Variants in CSMD1 observed in about 807,000 individuals in gnomAD.
CSMD1 encodes CUB and sushi domain-containing protein 1.
A neutral mutation model predicts 417.5 loss-of-function variants in CSMD1; 213 were observed. The ratio of observed to expected loss-of-function variants is 0.51; its 90% confidence interval spans 0.46 to 0.57. The LOEUF (loss-of-function observed/expected upper bound fraction) is 0.57. CSMD1 is among the 20% of genes least tolerant of loss of function. The probability of loss-of-function intolerance (pLI) is 0.00; values close to 1 mark genes in which losing one functional copy is unlikely to be tolerated. For synonymous variants in CSMD1, 2,862 were observed against 1,736.8 expected (o/e 1.65, Z -16.11); for missense variants, 6,923 against 4,529.7 (o/e 1.53, Z -15.17).
intron 5 of CSMD1, among the ~76,000 whole-genome samples, chr8:3,944,363 A>G (rs1034230515): frequency 4.6e-5 from 7 of 152,158 alleles, no homozygotes; most frequent in Non-Finnish European, 8.8e-5. Context: ...TACCAAAATA[A>G]GATGTGTTCC....
At chr8:4,028,251 C>T (rs1304754575) in intron 4 of CSMD1, among the ~76,000 whole-genome samples, 1 of 152,140 alleles carries the variant, frequency 6.6e-6, no homozygotes, top group East Asian at 1.9e-4. Context: ...AATCTAACAT[C>T]TATTAGCACA....
intron 2 of CSMD1, among the ~76,000 whole-genome samples, chr8:4,454,835 GT>G (rs199648100): frequency 2.0e-5 from 3 of 152,046 alleles, no homozygotes; most frequent in Admixed American, 1.3e-4. Flanking sequence ...AAGAGCAAAG[GT>G]TTTTTTCCAC....
At chr8:3,733,009 G>T (rs1289848232) in intron 6 of CSMD1, among the ~76,000 whole-genome samples, 1 of 151,966 alleles carries the variant, frequency 6.6e-6, no homozygotes, top group African/African-American at 2.4e-5. Context: ...AGATACGTGT[G>T]CCCTGATCAA....
chr8:4,369,695 C>G (rs1330342085), intron 3 of CSMD1, among the ~76,000 whole-genome samples: 1 of 152,018 alleles, frequency 6.6e-6, no homozygotes, highest in African/African-American at 2.4e-5. Context: ...TTACGTAATG[C>G]CCTTGTCTTT....
intron 37 of CSMD1, among the ~76,000 whole-genome samples, chr8:3,174,485 T>C (rs544965960): frequency 7.0e-4 from 107 of 152,272 alleles, no homozygotes; most frequent in Non-Finnish European, 1.3e-3. Context: ...AGAGTGAGAT[T>C]CTGTCTCAAA....
intron 5 of CSMD1, among the ~76,000 whole-genome samples, chr8:3,800,350 T>G (rs1800388311): frequency 6.6e-6 from 1 of 152,084 alleles, no homozygotes; most frequent in Non-Finnish European, 1.5e-5. Context: ...ATATTATTGT[T>G]CCGGAAGTGT....
At chr8:3,307,968 ATATTTCTTCCAAATCAT>A in intron 24 of CSMD1, 147 bp from the exon 25 acceptor site, 1 of 928,510 alleles carries the variant, frequency 1.1e-6, no homozygotes, top group East Asian at 2.7e-5. Flanking sequence ...GACCGTTTCA[ATATTTCTTCCAAATCAT>A]TACCTCTGTG....
chr8:4,272,213 T>C (rs1804645731), intron 3 of CSMD1, among the ~76,000 whole-genome samples: 1 of 152,212 alleles, frequency 6.6e-6, no homozygotes, highest in Admixed American at 6.5e-5. Flanking sequence ...TAGTACTTTA[T>C]GGCTTAGTAC....
chr8:3,318,661 T>C (rs1372825851), intron 23 of CSMD1, among the ~76,000 whole-genome samples: 1 of 152,194 alleles, frequency 6.6e-6, no homozygotes, highest in Non-Finnish European at 1.5e-5. Flanking sequence ...ATTGGAGGTA[T>C]TATAGCAGGT....
At chr8:3,218,576 A>T (rs1248168273) in intron 29 of CSMD1, among the ~76,000 whole-genome samples, 1 of 150,792 alleles carries the variant, frequency 6.6e-6, no homozygotes, top group Non-Finnish European at 1.5e-5. Flanking sequence ...TAAAAAAAAA[A>T]AGAAATTATT....
At chr8:4,507,149 CAT>C (rs1245444718) in intron 2 of CSMD1, among the ~76,000 whole-genome samples, 1 of 152,064 alleles carries the variant, frequency 6.6e-6, no homozygotes, top group East Asian at 1.9e-4. Flanking sequence ...TACATTCTTC[CAT>C]ATTTCTGAAA....
intron 9 of CSMD1, among the ~76,000 whole-genome samples, chr8:3,575,686 G>A (rs1390308163): frequency 1.3e-5 from 2 of 150,050 alleles, no homozygotes; most frequent in African/African-American, 4.9e-5. Flanking sequence ...TTTATTGCAA[G>A]TTTAAAGAAA....
intron 5 of CSMD1, among the ~76,000 whole-genome samples, chr8:3,910,511 A>C (rs73497908): frequency 1.2e-3 from 177 of 152,332 alleles, no homozygotes; most frequent in African/African-American, 4.1e-3. Flanking sequence ...ACATTATACA[A>C]ATTTTACAAA....
chr8:4,398,188 T>C (rs565951468), intron 3 of CSMD1, among the ~76,000 whole-genome samples: 6 of 152,120 alleles, frequency 3.9e-5, no homozygotes, highest in Non-Finnish European at 8.8e-5. Context: ...GAACTCCAAG[T>C]AGCTGAGAAT....
At chr8:3,009,843 T>C (rs1808246961) in intron 52 of CSMD1, among the ~76,000 whole-genome samples, 1 of 152,162 alleles carries the variant, frequency 6.6e-6, no homozygotes, top group South Asian at 2.1e-4. Flanking sequence ...CACAAATCCA[T>C]TTGATCAGAT....
At chr8:4,040,519 T>C (rs934029278) in intron 3 of CSMD1, among the ~76,000 whole-genome samples, 25 of 152,212 alleles carry the variant, frequency 1.6e-4, no homozygotes, top group African/African-American at 5.8e-4. Flanking sequence ...AAAATGTGGC[T>C]AACATCAGAA....
chr8:3,188,779 G>C lies in CSMD1; in HGVS notation c.5523+108C>G, dbSNP rs985049641. 17 of 960,198 alleles carry C rather than the reference G, an allele frequency of 1.8e-5. No homozygotes were observed. The South Asian group carries it at 2.6e-4, about 15-fold the overall frequency. The allele number at this position is 960,198 out of a possible 1,614,324, so 59.5% of individuals were successfully genotyped here. A position where few individuals can be genotyped will look rare whatever the true frequency, so the allele number is the denominator to read the frequency against. ...AACCAGTATAAAAGGAAAAAAGAGA[G>C]AGGGAGAGAGAGAGAGATGGAAAGA... On this transcript the variant is annotated intron_variant, in intron 35 of 69. Transcript: ENST00000635120.
intron 3 of CSMD1, among the ~76,000 whole-genome samples, chr8:4,154,870 T>G (rs774674503): frequency 2.0e-4 from 31 of 152,198 alleles, no homozygotes; most frequent in Non-Finnish European, 3.5e-4. Flanking sequence ...CCAAGTCAGC[T>G]GCATCACAGT....
intron 4 of CSMD1, among the ~76,000 whole-genome samples, chr8:4,001,258 A>G (rs188280458): frequency 6.6e-6 from 1 of 152,152 alleles, no homozygotes; most frequent in African/African-American, 2.4e-5. Flanking sequence ...CCAGAAGTGA[A>G]TTTAAACCTA....
Sources: gnomAD v4.1 joint callset for allele counts (sites outside exome capture counted in the v4.1 genomes callset) on GRCh38, gnomAD v4.1.1 for gene constraint, MANE v1.5 for transcripts, NCBI Gene and HGNC (gene_info 2026-07-23, HGNC 2026-07-21) for gene names.